Variants in KDM8 observed in about 807,000 individuals in gnomAD.
KDM8 encodes the protein lysine demethylase 8.
A neutral mutation model predicts 46.9 loss-of-function variants in KDM8; 35 were observed. The ratio of observed to expected loss-of-function variants is 0.75; its 90% CI spans 0.57 to 0.99. The LOEUF is 0.99. Ranked by LOEUF, KDM8 falls within the 50% of genes least tolerant of loss-of-function variation. The pLI, the probability that KDM8 is intolerant of heterozygous loss-of-function variation, is 0.00. For missense variants in KDM8, 475 were observed against 537.0 expected (o/e 0.88, Z 1.14); for synonymous variants, 232 against 227.7 (o/e 1.02, Z -0.17).
Position 27,210,091 on chromosome 16 carries a change from A to T in KDM8, c.-31-2A>T, listed in dbSNP as rs1395552164. 6.3e-7 allele frequency: 1 copy of T among 1,594,498 alleles called. No individual in the cohort carries two copies. The highest frequency in any genetic ancestry group is 1.7e-5 in the Admixed American group (1 of 58,606). ...AACTCTTGTTTCTCTCCACCTCCCC[A>T]GGCACGGGACTGAACCAGCTGGTGG... On this transcript the variant is annotated splice_acceptor_variant, in intron 1 of 7. Transcript: ENST00000286096. LOFTEE classifies it low-confidence loss of function (5UTR_SPLICE).
intron 4 of KDM8, 59 bp from the exon 5 acceptor site, chr16:27,215,886 G>T (rs1451424155): frequency 9.0e-6 from 14 of 1,548,186 alleles, no homozygotes; most frequent in Non-Finnish European, 1.2e-5. Context: ...CAGCAGGAGG[G>T]CATCTGTCAT....
At chr16:27,204,240 A>G in intron 1 of KDM8, 2 of 1,422,832 alleles carry the variant, frequency 1.4e-6, no homozygotes, top group Non-Finnish European at 1.8e-6. Context: ...GTAGCTCGGT[A>G]GGACTTAACG....
chr16:27,215,040 T>C, intron 4 of KDM8, 32 bp downstream of exon 4: 1 of 1,612,146 alleles, frequency 6.2e-7, no homozygotes, highest in Non-Finnish European at 8.5e-7. Flanking sequence ...CCCCTAGTAC[T>C]TGCAAGGCAG....
chr16:27,206,733 C>CAT (rs2083431783), intron 1 of KDM8, among the ~76,000 whole-genome samples: 1 of 152,202 alleles, frequency 6.6e-6, no homozygotes, highest in South Asian at 2.1e-4. Context: ...TGCCAGAAGG[C>CAT]TGATGAGCCT....
rs147567926 is a variant in KDM8, at chr16:27,210,562, A to G, written c.439A>G (p.Thr147Ala). ...ILLKVAAILQ[T>A]HLPGKRPARG... The stretch of plus-strand genomic sequence containing the variant: ...TCTTAAAGTCGCTGCCATCCTCCAG[A>G]CACACCTCCCTGGAAAGAGGCCTGC... The change falls in exon 2 of 8, where the codon ACA becomes GCA. Residue 147 changes from threonine to alanine, a missense_variant. Coordinates refer to ENST00000286096, the MANE Select transcript of KDM8 (RefSeq NM_024773.3). 2 of 1,526,178 alleles carry G rather than the reference A, an allele frequency of 1.3e-6. No homozygotes were observed. The highest frequency in any genetic ancestry group is 2.8e-5 in the African/African-American group (2 of 72,158). The allele number at this position is 1,526,178 out of a possible 1,614,324, so 94.5% of individuals were successfully genotyped here. A position where few individuals can be genotyped will look rare whatever the true frequency, so the allele number is the denominator to read the frequency against.
intron 4 of KDM8, 120 bp from the exon 5 acceptor site, chr16:27,215,825 G>A (rs2083544285): frequency 9.8e-7 from 1 of 1,022,728 alleles, no homozygotes; most frequent in Non-Finnish European, 1.6e-6. Flanking sequence ...GACCACTCAG[G>A]ATGGAGTGGA....
chr16:27,220,203 C>T (rs1023428702), intron 6 of KDM8, 190 bp from the exon 7 acceptor site: 9 of 603,504 alleles, frequency 1.5e-5, no homozygotes, highest in East Asian at 1.4e-4. Flanking sequence ...CCTGGATGAC[C>T]GAGTGAGACC....
In KDM8 at chr16:27,210,535, CT is replaced by C; in HGVS notation, c.414del (p.Val141SerfsTer34). On this transcript the variant is annotated frameshift_variant, in exon 2 of 8. Coordinates refer to ENST00000286096, the MANE Select transcript of KDM8 (RefSeq NM_024773.3). LOFTEE classifies it high-confidence loss of function. ...GGGGGCAGCCATCCTGGGGGACATC[CT>C]TCTTAAAGTCGCTGCCATCCTCCAG... ...LMGAAILGDI[L>X]LKVAAILQTH... The C allele has an allele frequency of 1.3e-6, 2 of 1,539,342 alleles. No individual in the cohort carries two copies. Among genetic ancestry groups the C allele is most frequent in the Non-Finnish European group, 1.8e-6 (2 of 1,142,028 alleles).
chr16:27,204,371 A>G (rs2083407861), intron 1 of KDM8: 1 of 1,328,410 alleles, frequency 7.5e-7, no homozygotes, highest in Non-Finnish European at 9.6e-7. Flanking sequence ...CAAACACAAG[A>G]CTGTGTGCCC....
intron 5 of KDM8, among the ~76,000 whole-genome samples, chr16:27,216,747 A>G (rs1424529432): frequency 6.6e-6 from 1 of 152,122 alleles, no homozygotes; most frequent in African/African-American, 2.4e-5. Flanking sequence ...AGGCCTCCCT[A>G]TTAGGACCTG....
chr16:27,218,376 ACT>A (rs898545445), intron 5 of KDM8, among the ~76,000 whole-genome samples: 6 of 152,064 alleles, frequency 3.9e-5, no homozygotes, highest in South Asian at 2.1e-4. Context: ...GTGGCATATA[ACT>A]CTGTCAGAGG....
chr16:27,218,196 C>A (rs372150210), intron 5 of KDM8, among the ~76,000 whole-genome samples: 1 of 151,974 alleles, frequency 6.6e-6, no homozygotes, highest in Non-Finnish European at 1.5e-5. Flanking sequence ...GCAGGAGGAT[C>A]GCTTAAGCTC....
intron 5 of KDM8, among the ~76,000 whole-genome samples, chr16:27,218,006 C>T (rs2140975000): frequency 6.6e-6 from 1 of 152,116 alleles, no homozygotes; most frequent in South Asian, 2.1e-4. Flanking sequence ...CACTCTGAGA[C>T]CCTGGCTTTG....
rs376195029 is a variant in KDM8, at chr16:27,210,147, C to T, written c.24C>T (p.Pro8=). 6.9e-5 allele frequency: 112 copies of T among 1,613,140 alleles called. No individual in the cohort carries two copies. Among genetic ancestry groups the T allele is most frequent in the Non-Finnish European group, 8.2e-5 (97 of 1,179,940 alleles). Residue 8 remains proline (P), a synonymous_variant, in exon 2 of 8, where the codon CCC becomes CCT. Coordinates refer to ENST00000286096, the MANE Select transcript of KDM8 (RefSeq NM_024773.3). MAGDTHC[P]AEPLAREGTL... is the part of the protein sequence containing the mutation. ...CGATGGCTGGAGACACCCACTGCCCCGCAGAGCCCCTGGCCAGAGAAGGCA... is the reference window on the plus strand; with the variant it reads ...CGATGGCTGGAGACACCCACTGCCCTGCAGAGCCCCTGGCCAGAGAAGGCA...
chr16:27,206,268 T>C, intron 1 of KDM8: 1 of 965,130 alleles, frequency 1.0e-6, no homozygotes, highest in Non-Finnish European at 1.2e-6. Flanking sequence ...TTTGTGTGCG[T>C]GTGCTTTTTT....
chr16:27,206,062 A>C (rs903656244), intron 1 of KDM8: 1 of 165,392 alleles, frequency 6.0e-6, no homozygotes, highest in East Asian at 1.9e-4. Flanking sequence ...TGGATGACCC[A>C]CCTATACCTG....
At chr16:27,210,048 A>T in intron 1 of KDM8, 45 bp from the exon 2 acceptor site, 1 of 1,516,880 alleles carries the variant, frequency 6.6e-7, no homozygotes, top group Non-Finnish European at 8.8e-7. Context: ...ACAGGGGATC[A>T]GGTCTGTCCT....
rs1160006534 is a variant in KDM8, at chr16:27,221,128, C to T, written c.*398C>T. On this transcript the variant is annotated 3_prime_UTR_variant, in exon 8 of 8. Transcript: ENST00000286096. The stretch of plus-strand genomic sequence containing the variant: ...GCCGCGCTGTGCACCTGCTGGGTGA[C>T]TTGGCCAGGATCCCCCACTTCGCTG... 2 of 347,888 alleles carry T rather than the reference C, an allele frequency of 5.7e-6. No individual in the cohort carries two copies. The highest frequency in any genetic ancestry group is 4.3e-5 in the African/African-American group (2 of 46,864). The allele number at this position is 347,888 out of a possible 1,614,324, so 21.6% of individuals were successfully genotyped here.
Position 27,210,260 on chromosome 16 carries a change from T to G in KDM8, c.137T>G (p.Val46Gly), listed in dbSNP as rs2083468397. The change falls in exon 2 of 8, where the codon GTG becomes GGG. Residue 46 changes from valine (V) to glycine (G), a missense_variant. Transcript: ENST00000286096. ...DLGEKVERSVVTLLQRATELF... is the reference protein window; with the variant it reads ...DLGEKVERSVGTLLQRATELF... ...GGGGAGAAAGTGGAGAGGAGCGTGG[T>G]GACATTGTTGCAGCGAGCCACTGAG... The G allele has an allele frequency of 1.2e-6, 2 of 1,612,932 alleles. No homozygotes were observed. Among genetic ancestry groups the G allele is most frequent in the Non-Finnish European group, 1.7e-6 (2 of 1,179,998 alleles).
Sources: gnomAD v4.1 joint callset for allele counts (sites outside exome capture counted in the v4.1 genomes callset) on GRCh38, gnomAD v4.1.1 for gene constraint, MANE v1.5 for transcripts, NCBI Gene and HGNC (gene_info 2026-07-23, HGNC 2026-07-21) for gene names.